GRM7: variants seen among roughly 807,000 people sequenced by gnomAD.
GRM7 encodes the protein metabotropic glutamate receptor 7.
Under a neutral mutation model 84.5 loss-of-function variants are expected in GRM7, and 35 were observed. That is an observed-to-expected ratio of 0.41 (90% CI 0.32 to 0.55). The LOEUF is 0.55. Ranked by LOEUF, GRM7 falls within the 20% of genes least tolerant of loss-of-function variation. The pLI is 0.19. For synonymous variants in GRM7, 487 were observed against 455.1 expected (o/e 1.07, Z -0.89); for missense variants, 1,003 against 1,194.6 (o/e 0.84, Z 2.36).
At chr3:7,413,059 C>A (rs180852900) in intron 4 of GRM7, among the ~76,000 whole-genome samples, 1 of 152,004 alleles carries the variant, frequency 6.6e-6, no homozygotes, top group Admixed American at 6.6e-5. Context: ...CCTGACTTTC[C>A]CTCTGTTCCA....
At chr3:7,711,244 A>G (rs1183512806) in intron 9 of GRM7, among the ~76,000 whole-genome samples, 1 of 152,202 alleles carries the variant, frequency 6.6e-6, no homozygotes, top group Non-Finnish European at 1.5e-5. Flanking sequence ...GATGTCCCCA[A>G]GGAAGTGACA....
chr3:7,540,924 C>T (rs1193551096), intron 7 of GRM7, among the ~76,000 whole-genome samples: 1 of 152,018 alleles, frequency 6.6e-6, no homozygotes, highest in African/African-American at 2.4e-5. Context: ...ATCTTTAAAA[C>T]ATAATATTCA....
chr3:7,517,142 G>T (rs571240169), intron 7 of GRM7, among the ~76,000 whole-genome samples: 1 of 152,138 alleles, frequency 6.6e-6, no homozygotes, highest in East Asian at 1.9e-4. Flanking sequence ...TCAAGGCTAC[G>T]CAAATCACAC....
chr3:6,862,778 C>G lies in GRM7; in HGVS notation c.519+871C>G. 2 of 320,212 alleles carry G rather than the reference C, an allele frequency of 6.2e-6. No individual in the cohort carries two copies. Among genetic ancestry groups the G allele is most frequent in the Non-Finnish European group, 1.2e-5 (2 of 161,014 alleles). The allele number at this position is 320,212 out of a possible 1,614,324, so 19.8% of individuals were successfully genotyped here. ...TGACGCAGACCCCAAGCCAAATCCT[C>G]GGCTTGGAGGACGATTCCCGGAGCG... On this transcript the variant is annotated intron_variant, in intron 1 of 9. Coordinates refer to ENST00000357716, the MANE Select transcript of GRM7 (RefSeq NM_000844.4). The surrounding 1 kb of genome is among the most constrained non-coding windows in gnomAD (Gnocchi z 5.2).
At chr3:7,329,460 G>T (rs548656206) in intron 4 of GRM7, among the ~76,000 whole-genome samples, 4 of 152,144 alleles carry the variant, frequency 2.6e-5, no homozygotes, top group Non-Finnish European at 5.9e-5. Flanking sequence ...TTTGTGAATG[G>T]GTATGTGGAG....
chr3:7,070,779 G>A lies in GRM7; in HGVS notation c.520-75673G>A, dbSNP rs973046820. ...ATGCAAGTTGAAATGATTGAGGGGT[G>A]GAAGAACTGAGAACTGTAGACAGAA... On this transcript the variant is annotated intron_variant, in intron 1 of 9. Transcript: ENST00000357716. Among the ~76,000 whole-genome samples the A allele has an allele frequency of 7.9e-5, 12 of 151,994 alleles. 1 individual carries two copies. The East Asian group carries it at 2.3e-3, about 30-fold the overall frequency.
intron 1 of GRM7, among the ~76,000 whole-genome samples, chr3:7,102,996 C>A (rs1288484922): frequency 6.6e-6 from 1 of 151,646 alleles, no homozygotes; most frequent in Admixed American, 6.6e-5. Context: ...ATTTATAATA[C>A]CTGCTCTACA....
chr3:7,503,148 C>A (rs7641476), intron 7 of GRM7, among the ~76,000 whole-genome samples: 56,437 of 151,882 alleles, frequency 0.37, 10,871 homozygotes, highest in East Asian at 0.64. Context: ...GCTTCCCCAG[C>A]AGCAAGAAAA....
chr3:6,961,318 C>G lies in GRM7; in HGVS notation c.519+99411C>G, dbSNP rs148543557. On this transcript the variant is annotated intron_variant, in intron 1 of 9. Transcript: ENST00000357716. ...TGAAAACCCTGTCAATTCCACCTTA[C>G]GCAGTTTAACTGCTACTCTTCTTGT... 7.2e-5 allele frequency among the ~76,000 whole-genome samples: 11 copies of G among 152,308 alleles called. No individual in the cohort carries two copies. In the South Asian group the frequency reaches 1.7e-3, roughly 23 times the overall value.
chr3:7,502,122 A>G (rs1281784243), intron 7 of GRM7, among the ~76,000 whole-genome samples: 2 of 152,164 alleles, frequency 1.3e-5, no homozygotes, highest in African/African-American at 4.8e-5. Flanking sequence ...ATCCTTATCT[A>G]TAAAATCCTA....
At chr3:6,889,238 G>A (rs912581039) in intron 1 of GRM7, among the ~76,000 whole-genome samples, 64 of 152,028 alleles carry the variant, frequency 4.2e-4, no homozygotes, top group Non-Finnish European at 1.2e-4. Context: ...TCTCCTGCCT[G>A]ATTGACCTGG....
intron 5 of GRM7, among the ~76,000 whole-genome samples, chr3:7,444,985 T>C (rs1015002173): frequency 6.6e-6 from 1 of 152,192 alleles, no homozygotes; most frequent in Non-Finnish European, 1.5e-5. Flanking sequence ...TCATTTAAGC[T>C]GGACGATCAA....
At chr3:7,096,904 C>A (rs1192125386) in intron 1 of GRM7, among the ~76,000 whole-genome samples, 1 of 152,104 alleles carries the variant, frequency 6.6e-6, no homozygotes, top group Non-Finnish European at 1.5e-5. Context: ...TCATTAAAAT[C>A]ATTACATAGT....
intron 3 of GRM7, among the ~76,000 whole-genome samples, chr3:7,302,609 A>T (rs76020302): frequency 0.023 from 3,509 of 152,270 alleles, 144 homozygotes; most frequent in African/African-American, 0.08. Flanking sequence ...CTATGCATAT[A>T]TACACATATA....
chr3:7,496,744 A>T (rs539674457), intron 7 of GRM7, among the ~76,000 whole-genome samples: 1 of 151,994 alleles, frequency 6.6e-6, no homozygotes, highest in Non-Finnish European at 1.5e-5. Context: ...AAAGAGAAGC[A>T]ACTGCATCGA....
intron 1 of GRM7, among the ~76,000 whole-genome samples, chr3:7,050,764 A>G (rs1021426641): frequency 5.3e-5 from 8 of 151,920 alleles, no homozygotes; most frequent in Admixed American, 3.3e-4. Context: ...GTCATCAGTC[A>G]GGATTTGGAA....
intron 7 of GRM7, among the ~76,000 whole-genome samples, chr3:7,519,485 C>A (rs1015195668): frequency 6.6e-6 from 1 of 152,094 alleles, no homozygotes; most frequent in Non-Finnish European, 1.5e-5. Flanking sequence ...TCTCAGTTAA[C>A]CTTAATATTC....
At chr3:7,575,363 C>G (rs1004350492) in intron 7 of GRM7, among the ~76,000 whole-genome samples, 1 of 152,040 alleles carries the variant, frequency 6.6e-6, no homozygotes, top group Non-Finnish European at 1.5e-5. Context: ...ATCTGGCTTT[C>G]CAGCTAACTG....
At chr3:7,419,448 G>A (rs1336392079) in intron 5 of GRM7, among the ~76,000 whole-genome samples, 6 of 152,144 alleles carry the variant, frequency 3.9e-5, no homozygotes, top group African/African-American at 9.6e-5. Flanking sequence ...ATAGCTAATG[G>A]CATCCCCAAG....
Sources: allele counts gnomAD v4.1 joint callset (sites outside exome capture counted in the v4.1 genomes callset), GRCh38; gene constraint gnomAD v4.1.1; non-coding constraint Gnocchi (gnomAD v3.1); transcripts MANE v1.5; gene names NCBI Gene and HGNC (gene_info 2026-07-23, HGNC 2026-07-21).